Variants in CEP192 observed in about 807,000 individuals in gnomAD.
The protein encoded by CEP192 is centrosomal protein of 192 kDa.
In CEP192, 151 loss-of-function variants were observed where a neutral mutation model predicts 271.8. That is an observed-to-expected ratio of 0.56 (90% confidence interval 0.49 to 0.64). CEP192 has a LOEUF of 0.64. Among genes scored for constraint, CEP192 ranks in the 30% least tolerant of loss-of-function variants. CEP192 has a pLI of 0.00. For synonymous variants in CEP192, 995 were observed against 1,076.5 expected (o/e 0.92, Z 1.48); for missense variants, 2,910 against 3,020.5 (o/e 0.96, Z 0.86).
intron 18 of CEP192, among the ~76,000 whole-genome samples, chr18:13,055,164 A>G (rs934697700): frequency 3.3e-5 from 5 of 152,080 alleles, no homozygotes; most frequent in African/African-American, 9.7e-5. Flanking sequence ...CTGTAATCCC[A>G]GCTACTTGGG....
intron 36 of CEP192, among the ~76,000 whole-genome samples, 200 bp from the exon 37 acceptor site, chr18:13,099,276 C>G (rs1222504339): frequency 6.6e-6 from 1 of 152,006 alleles, no homozygotes; most frequent in Non-Finnish European, 1.5e-5. Flanking sequence ...TGGTGAGTTC[C>G]TTGTAACCCG....
intron 44 of CEP192, among the ~76,000 whole-genome samples, chr18:13,123,717 T>G (rs1480691790): frequency 6.6e-6 from 1 of 152,204 alleles, no homozygotes; most frequent in Non-Finnish European, 1.5e-5. Flanking sequence ...ACTTGTTAAA[T>G]TGCATATTTT....
intron 1 of CEP192, among the ~76,000 whole-genome samples, chr18:12,996,493 C>T (rs1182459850): frequency 2.0e-5 from 3 of 152,018 alleles, no homozygotes; most frequent in Non-Finnish European, 4.4e-5. Flanking sequence ...GGTTGAATAC[C>T]TGAGGTTCGG....
chr18:13,000,091 C>CTCTCTTTTTTTTTTTTTTTTTTTT (rs1555698196), intron 2 of CEP192, among the ~76,000 whole-genome samples: 4 of 76,750 alleles, frequency 5.2e-5, no homozygotes, highest in Non-Finnish European at 1.1e-4. Context: ...TGTCTTCTCT[C>CTCTCTTTTTTTTTTTTTTTTTTTT]TTTTTTTTTT....
chr18:13,074,103 A>G (rs1419402974), intron 30 of CEP192, among the ~76,000 whole-genome samples: 2 of 152,218 alleles, frequency 1.3e-5, no homozygotes, highest in African/African-American at 2.4e-5. Flanking sequence ...TTATAACTGC[A>G]CAGGTGTTTG....
intron 1 of CEP192, among the ~76,000 whole-genome samples, chr18:12,998,367 C>G (rs2033391969): frequency 1.3e-5 from 2 of 152,200 alleles, no homozygotes; most frequent in Admixed American, 6.5e-5. Context: ...GTATTTGCTA[C>G]TGCCAGCATA....
At position 13,038,591 on chromosome 18, in the gene CEP192, A is replaced by G. The variant is rs1393034018; in HGVS notation, c.1809+12A>G. Reference sequence around the variant, plus strand: ...ACAATGTGAAAAGAGTAAGTATGGAATCTGTTGGAAGTGCTCACAGTCACC... The same window carrying G: ...ACAATGTGAAAAGAGTAAGTATGGAGTCTGTTGGAAGTGCTCACAGTCACC... On this transcript the variant is annotated intron_variant, in intron 13 of 44. Transcript: ENST00000506447. The G allele has an allele frequency of 6.5e-7, 1 of 1,543,924 alleles. No homozygotes were observed. The highest frequency in any genetic ancestry group is 2.0e-5 in the Admixed American group (1 of 50,994).
At chr18:13,008,195 CT>C (rs368624089) in intron 3 of CEP192, among the ~76,000 whole-genome samples, 1 of 152,084 alleles carries the variant, frequency 6.6e-6, no homozygotes, top group Admixed American at 6.6e-5. Context: ...AAAAAAACCA[CT>C]TTTTGCTGCT....
At chr18:13,085,364 T>C (rs2038849009) in intron 30 of CEP192, among the ~76,000 whole-genome samples, 2 of 138,542 alleles carry the variant, frequency 1.4e-5, no homozygotes, top group Middle Eastern at 7.2e-3. Flanking sequence ...TTCACTCTGA[T>C]AGTTTCTTTT....
chr18:13,041,561 CT>C (rs367569854), intron 14 of CEP192, among the ~76,000 whole-genome samples: 2 of 149,042 alleles, frequency 1.3e-5, no homozygotes, highest in Non-Finnish European at 1.5e-5. Context: ...CTTTTCTTCT[CT>C]TTTTTTTTGA....
chr18:13,060,835 G>T (rs1164099558), intron 21 of CEP192, among the ~76,000 whole-genome samples: 4 of 151,798 alleles, frequency 2.6e-5, no homozygotes, highest in African/African-American at 4.8e-5. Context: ...AAGGTGAGAG[G>T]ATCACTAGAG....
chr18:13,093,899 G>A (rs951471907), intron 34 of CEP192, among the ~76,000 whole-genome samples: 1 of 152,294 alleles, frequency 6.6e-6, no homozygotes, highest in Middle Eastern at 3.4e-3. Context: ...AGATCACCGG[G>A]AGATTTCACC....
At position 13,015,350 on chromosome 18, in the gene CEP192, A is replaced by G. The variant is rs1386080484; in HGVS notation, c.542A>G (p.Lys181Arg). 1 of 1,550,516 alleles carries G rather than the reference A, an allele frequency of 6.4e-7. No individual in the cohort carries two copies. Among genetic ancestry groups the G allele is most frequent in the Admixed American group, 2.0e-5 (1 of 50,522 alleles). The change falls in exon 6 of 45, where the codon AAA becomes AGA. Residue 181 changes from lysine (K) to arginine (R), a missense_variant. By Grantham distance (26) the Lys-to-Arg change is conservative (BLOSUM62 2). Transcript: ENST00000506447. ...EPKIVVLDAG[K>R]HFEDKTLKSD... Reference sequence around the variant, plus strand: ...TAGATTGTTGTGCTTGATGCTGGAAAACATTTTGAAGACAAGACTCTAAAG... The same window carrying G: ...TAGATTGTTGTGCTTGATGCTGGAAGACATTTTGAAGACAAGACTCTAAAG...
intron 15 of CEP192, among the ~76,000 whole-genome samples, chr18:13,046,881 G>A (rs949090629): frequency 3.8e-5 from 3 of 78,590 alleles, no homozygotes; most frequent in African/African-American, 1.5e-4. Context: ...TTTGTTTGTT[G>A]TCTCTCTACA....
chr18:13,078,546 C>T (rs1380746504), intron 30 of CEP192, among the ~76,000 whole-genome samples: 1 of 152,168 alleles, frequency 6.6e-6, no homozygotes, highest in Non-Finnish European at 1.5e-5. Context: ...TACACTCCCA[C>T]CAACAGTGTA....
At chr18:13,079,094 CAT>C (rs2038449360) in intron 30 of CEP192, among the ~76,000 whole-genome samples, 2 of 152,178 alleles carry the variant, frequency 1.3e-5, no homozygotes, top group Admixed American at 6.5e-5. Flanking sequence ...CCGCAATAAA[CAT>C]ATGTGTGCAT....
At chr18:13,042,400 C>G (rs998243248) in intron 15 of CEP192, 66 bp downstream of exon 15, 23 of 1,507,794 alleles carry the variant, frequency 1.5e-5, no homozygotes, top group Non-Finnish European at 2.0e-5. Flanking sequence ...AGGATCAAGA[C>G]GAGATCACCT....
intron 30 of CEP192, among the ~76,000 whole-genome samples, chr18:13,083,523 T>C (rs537778415): frequency 6.6e-6 from 1 of 152,352 alleles, no homozygotes; most frequent in African/African-American, 2.4e-5. Flanking sequence ...GTCTAATCTT[T>C]TTTCAAAGTT....
chr18:13,087,012 T>C lies in CEP192; in HGVS notation c.5617-5T>C. ...AATAATTTTGGATATGTATATCTTT[T>C]TTAGATACCTTTGTCTGGATATGGA... On this transcript the variant is annotated splice_polypyrimidine_tract_variant and splice_region_variant and intron_variant, in intron 30 of 44. Transcript: ENST00000506447. The C allele has an allele frequency of 1.3e-6, 2 of 1,593,320 alleles. No individual in the cohort carries two copies. Among genetic ancestry groups the C allele is most frequent in the Admixed American group, 3.4e-5 (2 of 58,184 alleles).
Sources: gnomAD v4.1 joint callset for allele counts (sites outside exome capture counted in the v4.1 genomes callset) on GRCh38, gnomAD v4.1.1 for gene constraint, MANE v1.5 for transcripts, NCBI Gene and HGNC (gene_info 2026-07-23, HGNC 2026-07-21) for gene names.